RPS6KC1: variants seen among roughly 807,000 people sequenced by gnomAD.
The protein encoded by RPS6KC1 is inactive ribosomal protein S6 kinase delta-1.
In RPS6KC1, 54 loss-of-function variants were observed where a neutral mutation model predicts 103.8. The ratio of observed to expected loss-of-function variants is 0.52; its 90% CI spans 0.42 to 0.65. The LOEUF (loss-of-function observed/expected upper bound fraction) is 0.65, where lower values mean the gene tolerates loss of function less well. Among genes scored for constraint, RPS6KC1 ranks in the 30% least tolerant of loss-of-function variants. The pLI is 0.00. For synonymous variants in RPS6KC1, 439 were observed against 438.7 expected, an observed-to-expected ratio of 1.00 and a Z score of -0.01; for missense variants, 1,151 against 1,253.8, an observed-to-expected ratio of 0.92 and a Z score of 1.24.
At chr1:213,169,186 C>T (rs1004833048) in intron 7 of RPS6KC1, among the ~76,000 whole-genome samples, 14 of 152,032 alleles carry the variant, frequency 9.2e-5, no homozygotes, top group Admixed American at 2.6e-4. Flanking sequence ...CTTCATATAC[C>T]GGCTTATATA....
At chr1:213,358,100 T>G in the RPS6KC1 span, among the ~76,000 whole-genome samples, 4,785 of 152,276 alleles carry the variant, frequency 0.031, 266 homozygotes, top group African/African-American at 0.11. Flanking sequence ...CTTCTCTTTT[T>G]TTGTTGTGTC....
At chr1:213,493,934 GTGT>G in the RPS6KC1 span, among the ~76,000 whole-genome samples, 3 of 150,720 alleles carry the variant, frequency 2.0e-5, no homozygotes, top group Admixed American at 1.3e-4. Flanking sequence ...GGTTCTTCAA[GTGT>G]TGTCCTGGAC....
At chr1:213,530,853 G>A in the RPS6KC1 span, among the ~76,000 whole-genome samples, 1 of 152,226 alleles carries the variant, frequency 6.6e-6, no homozygotes, top group African/African-American at 2.4e-5. Context: ...CATGCCTCAT[G>A]TCACCCTCAC....
At chr1:213,255,284 C>T in intron 12 of RPS6KC1, among the ~76,000 whole-genome samples, 1 of 151,086 alleles carries the variant, frequency 6.6e-6, no homozygotes, top group East Asian at 1.9e-4. Context: ...CATCATCCTG[C>T]CACTGCACTC....
chr1:213,413,732 C>T, the RPS6KC1 span, among the ~76,000 whole-genome samples: 1 of 152,204 alleles, frequency 6.6e-6, no homozygotes, highest in Non-Finnish European at 1.5e-5. Context: ...AATCACACTT[C>T]TTCATTTCTG....
chr1:213,512,702 A>G, the RPS6KC1 span, among the ~76,000 whole-genome samples: 1 of 152,160 alleles, frequency 6.6e-6, no homozygotes, highest in Non-Finnish European at 1.5e-5. Context: ...TTCATTTTCT[A>G]TCTGGGGTGA....
chr1:213,142,432 T>A (rs1558405136), intron 6 of RPS6KC1, among the ~76,000 whole-genome samples: 1 of 152,086 alleles, frequency 6.6e-6, no homozygotes, highest in Non-Finnish European at 1.5e-5. Flanking sequence ...AAGGAGACAC[T>A]CTGGCTCCTA....
the RPS6KC1 span, among the ~76,000 whole-genome samples, chr1:213,417,741 G>A: frequency 2.6e-5 from 4 of 152,216 alleles, no homozygotes; most frequent in African/African-American, 9.7e-5. Flanking sequence ...CTAGGGAGAA[G>A]TCAGGGTAGA....
the RPS6KC1 span, among the ~76,000 whole-genome samples, chr1:213,363,648 T>C: frequency 1.4e-5 from 1 of 72,348 alleles, no homozygotes. Flanking sequence ...CTTTCTTTCT[T>C]TCTTTCTTTC....
At position 213,117,333 on chromosome 1, in the gene RPS6KC1, A is replaced by G; in HGVS notation, c.395A>G (p.Asp132Gly). 1 of 1,599,944 alleles carries G rather than the reference A, an allele frequency of 6.3e-7. No homozygotes were observed. ...EDFFKGGIIN[D>G]SSELIGPAEA... The stretch of plus-strand genomic sequence containing the variant: ...TCTCTTTAGGGTGGAATAATTAATG[A>G]TAGTTCTGAATTAATTGGTCCTGCT... The change falls in exon 5 of 15, where the codon GAT becomes GGT. Residue 132 changes from aspartate (D) to glycine (G), a missense_variant. Around this residue, in one of 3 missense-constraint regions of RPS6KC1, gnomAD observed 959 missense variants for 1,006.3 expected, o/e 0.95. Transcript: ENST00000366960.
chr1:213,726,750 T>C, the RPS6KC1 span, among the ~76,000 whole-genome samples: 31 of 152,208 alleles, frequency 2.0e-4, no homozygotes, highest in Admixed American at 2.6e-4. Flanking sequence ...TCTTAGTAAA[T>C]GATATTTTTC....
At chr1:213,320,123 G>C in the RPS6KC1 span, among the ~76,000 whole-genome samples, 1 of 152,166 alleles carries the variant, frequency 6.6e-6, no homozygotes, top group African/African-American at 2.4e-5. Flanking sequence ...GTATTTTTAA[G>C]AACACTGAAA....
the RPS6KC1 span, among the ~76,000 whole-genome samples, chr1:213,791,624 C>T: frequency 6.6e-5 from 10 of 152,082 alleles, no homozygotes; most frequent in African/African-American, 2.4e-4. Flanking sequence ...GTTAGGGATT[C>T]CTGCTGTCCT....
the RPS6KC1 span, among the ~76,000 whole-genome samples, chr1:213,578,462 G>C: frequency 3.5e-3 from 530 of 152,302 alleles, 5 homozygotes; most frequent in African/African-American, 0.012. Flanking sequence ...CTTGAACTGT[G>C]CACCTGGAAA....
chr1:213,590,494 G>A, the RPS6KC1 span, among the ~76,000 whole-genome samples: 1 of 152,218 alleles, frequency 6.6e-6, no homozygotes, highest in Admixed American at 6.5e-5. Context: ...CGGGACAGAA[G>A]TGGTTTTGGC....
At chr1:213,550,464 C>T in the RPS6KC1 span, among the ~76,000 whole-genome samples, 33 of 152,220 alleles carry the variant, frequency 2.2e-4, no homozygotes, top group East Asian at 1.2e-3. Context: ...TACATCGATT[C>T]GCTTCCCCAG....
the RPS6KC1 span, among the ~76,000 whole-genome samples, chr1:213,451,473 G>GGATT: frequency 1.3e-5 from 2 of 152,158 alleles, no homozygotes; most frequent in South Asian, 4.1e-4. Context: ...CATGGAACAG[G>GGATT]GATTCCCCTT....
the RPS6KC1 span, among the ~76,000 whole-genome samples, chr1:213,514,668 T>C: frequency 6.6e-6 from 1 of 152,262 alleles, no homozygotes; most frequent in South Asian, 2.1e-4. Flanking sequence ...TTTGCTATTG[T>C]GAATAGTGCC....
the RPS6KC1 span, among the ~76,000 whole-genome samples, chr1:213,680,349 G>T: frequency 6.6e-6 from 1 of 152,172 alleles, no homozygotes; most frequent in Non-Finnish European, 1.5e-5. Flanking sequence ...GCTGAAAGCT[G>T]CCTTCTGAGT....
Sources: allele counts gnomAD v4.1 joint callset (sites outside exome capture counted in the v4.1 genomes callset), GRCh38; gene constraint gnomAD v4.1.1; regional missense constraint gnomAD v4.1.1; transcripts MANE v1.5; gene names NCBI Gene and HGNC (gene_info 2026-07-23, HGNC 2026-07-21).